Variants in VSNL1 observed in about 807,000 individuals in gnomAD.
The protein encoded by VSNL1 is visinin like 1.
In VSNL1, 6 loss-of-function variants were observed where a neutral mutation model predicts 20.4. The observed-to-expected ratio is 0.29, with a 90% CI of 0.16 to 0.58. The LOEUF (loss-of-function observed/expected upper bound fraction) is 0.58, where lower values mean the gene tolerates loss of function less well. VSNL1 is among the 20% of genes least tolerant of loss of function. The probability of loss-of-function intolerance (pLI) is 0.90; values close to 1 mark genes in which losing one functional copy is unlikely to be tolerated. For missense variants in VSNL1, 100 were observed against 234.5 expected, an observed-to-expected ratio of 0.43 and a Z score of 3.75; for synonymous variants, 93 against 86.4, an observed-to-expected ratio of 1.08 and a Z score of -0.42.
intron 1 of VSNL1, among the ~76,000 whole-genome samples, chr2:17,571,309 T>C (rs1407166628): frequency 6.6e-6 from 1 of 152,128 alleles, no homozygotes; most frequent in African/African-American, 2.4e-5. Flanking sequence ...TTAAACAACA[T>C]TGTAGCCTTT....
intron 1 of VSNL1, among the ~76,000 whole-genome samples, chr2:17,551,300 C>G (rs1028424636): frequency 1.3e-5 from 2 of 152,180 alleles, no homozygotes; most frequent in Admixed American, 1.3e-4. Context: ...CCCCTCTCCC[C>G]ACTGCTAGAT....
chr2:17,614,578 T>C (rs1238881528), intron 2 of VSNL1, among the ~76,000 whole-genome samples: 1 of 152,196 alleles, frequency 6.6e-6, no homozygotes, highest in African/African-American at 2.4e-5. Context: ...CCTCACTCAC[T>C]CAGCTGTGGC....
At chr2:17,641,677 C>T (rs936581763) in intron 2 of VSNL1, among the ~76,000 whole-genome samples, 5 of 152,120 alleles carry the variant, frequency 3.3e-5, no homozygotes, top group African/African-American at 1.2e-4. Context: ...TGTGACATTT[C>T]CAATGGAGAT....
At chr2:17,580,675 T>C (rs1046016822) in intron 1 of VSNL1, among the ~76,000 whole-genome samples, 1 of 152,360 alleles carries the variant, frequency 6.6e-6, no homozygotes, top group East Asian at 1.9e-4. Context: ...GAACAAACCC[T>C]GGAGGCAGTT....
intron 1 of VSNL1, among the ~76,000 whole-genome samples, chr2:17,543,359 A>G (rs1027607051): frequency 2.6e-5 from 4 of 152,210 alleles, no homozygotes; most frequent in Non-Finnish European, 5.9e-5. Context: ...AAAATCCTTC[A>G]GGGAATCCAG....
At chr2:17,650,750 G>C (rs1055586695) in intron 3 of VSNL1, among the ~76,000 whole-genome samples, 1 of 152,178 alleles carries the variant, frequency 6.6e-6, no homozygotes, top group East Asian at 1.9e-4. Context: ...CCCAGCCTCA[G>C]AGAGAAGTCA....
intron 1 of VSNL1, among the ~76,000 whole-genome samples, chr2:17,564,164 C>CT (rs961512421): frequency 6.6e-6 from 1 of 152,140 alleles, no homozygotes; most frequent in Non-Finnish European, 1.5e-5. Flanking sequence ...GCCTAAATTT[C>CT]TTTTTTTCAC....
At chr2:17,557,817 C>G (rs905409509) in intron 1 of VSNL1, among the ~76,000 whole-genome samples, 10 of 152,140 alleles carry the variant, frequency 6.6e-5, no homozygotes, top group African/African-American at 2.2e-4. Flanking sequence ...TGCAAAGTTC[C>G]CTGGGACGGT....
chr2:17,635,965 G>A (rs1333388977), intron 2 of VSNL1, among the ~76,000 whole-genome samples: 1 of 150,272 alleles, frequency 6.7e-6, no homozygotes, highest in Non-Finnish European at 1.5e-5. Flanking sequence ...CATTCCTCAA[G>A]CCAAACTGCC....
chr2:17,573,505 G>A (rs1284428774), intron 1 of VSNL1, among the ~76,000 whole-genome samples: 1 of 152,006 alleles, frequency 6.6e-6, no homozygotes, highest in African/African-American at 2.4e-5. Flanking sequence ...ATGGAGAACA[G>A]AAGAGGAATT....
chr2:17,628,664 C>T (rs1295200296), intron 2 of VSNL1, among the ~76,000 whole-genome samples: 2 of 152,224 alleles, frequency 1.3e-5, no homozygotes, highest in African/African-American at 4.8e-5. Context: ...CAAAGTCCCA[C>T]AGCACCTTAG....
intron 2 of VSNL1, among the ~76,000 whole-genome samples, chr2:17,613,200 GAA>G (rs1665131778): frequency 1.3e-5 from 2 of 152,154 alleles, no homozygotes. Flanking sequence ...AGTGGAACAA[GAA>G]GGTCTATGGC....
intron 1 of VSNL1, among the ~76,000 whole-genome samples, chr2:17,559,601 G>T (rs926097357): frequency 1.3e-5 from 2 of 151,912 alleles, no homozygotes; most frequent in Non-Finnish European, 2.9e-5. Context: ...AATGAGTAGG[G>T]GTAAACTAGA....
intron 1 of VSNL1, among the ~76,000 whole-genome samples, chr2:17,586,037 G>A (rs980907398): frequency 6.6e-6 from 1 of 151,988 alleles, no homozygotes; most frequent in African/African-American, 2.4e-5. Flanking sequence ...TCAAACTCCT[G>A]ACCTCAGGTG....
chr2:17,590,282 G>A (rs575151107), intron 1 of VSNL1, among the ~76,000 whole-genome samples: 4 of 152,236 alleles, frequency 2.6e-5, no homozygotes, highest in South Asian at 2.1e-4. Context: ...GTACTGAAAG[G>A]TTTCACAATA....
chr2:17,620,846 A>G (rs1665337677), intron 2 of VSNL1, among the ~76,000 whole-genome samples: 1 of 152,226 alleles, frequency 6.6e-6, no homozygotes, highest in Admixed American at 6.5e-5. Context: ...AAATTCAGAA[A>G]AAAAGTAGAA....
At chr2:17,636,365 T>A (rs563679324) in intron 2 of VSNL1, among the ~76,000 whole-genome samples, 7 of 152,274 alleles carry the variant, frequency 4.6e-5, no homozygotes, top group African/African-American at 1.7e-4. Context: ...TTTTCCAGGA[T>A]AACACACAAA....
At chr2:17,585,477 A>C (rs1664448624) in intron 1 of VSNL1, among the ~76,000 whole-genome samples, 1 of 151,840 alleles carries the variant, frequency 6.6e-6, no homozygotes, top group South Asian at 2.1e-4. Context: ...ATCCGGTGTC[A>C]GTTGTTTATA....
At chr2:17,643,899 C>T (rs1446925198) in intron 2 of VSNL1, among the ~76,000 whole-genome samples, 4 of 152,084 alleles carry the variant, frequency 2.6e-5, no homozygotes, top group East Asian at 1.9e-4. Context: ...AAAGCGGCCC[C>T]GGGACAAGGG....
Sources: gnomAD v4.1 joint callset for allele counts (sites outside exome capture counted in the v4.1 genomes callset) on GRCh38, gnomAD v4.1.1 for gene constraint, MANE v1.5 for transcripts, NCBI Gene and HGNC (gene_info 2026-07-23, HGNC 2026-07-21) for gene names.